FOXP2: variants seen among roughly 807,000 people sequenced by gnomAD.
FOXP2 encodes the protein forkhead box P2, also known as forkhead box protein P2.
Under a neutral mutation model 115.8 loss-of-function variants are expected in FOXP2, and 12 were observed. The ratio of observed to expected loss-of-function variants is 0.10; its 90% confidence interval spans 0.07 to 0.17. FOXP2 has a LOEUF of 0.17. Ranked by LOEUF, FOXP2 falls within the 10% of genes least tolerant of loss-of-function variation. FOXP2 has a pLI of 1.00. For synonymous variants in FOXP2, 328 were observed against 297.7 expected (o/e 1.10, Z -1.05); for missense variants, 629 against 843.5 (o/e 0.75, Z 3.15).
chr7:114,193,725 A>T (rs2129157991), intron 1 of FOXP2, among the ~76,000 whole-genome samples: 1 of 152,224 alleles, frequency 6.6e-6, no homozygotes, highest in South Asian at 2.1e-4. Flanking sequence ...ACCATTGTTG[A>T]GAACCATTGT....
intron 2 of FOXP2, among the ~76,000 whole-genome samples, chr7:114,390,744 G>A (rs1792577134): frequency 1.3e-5 from 2 of 151,758 alleles, no homozygotes; most frequent in Non-Finnish European, 2.9e-5. Context: ...TTTCTTTAGA[G>A]GCAGGATTTC....
chr7:114,381,604 T>G (rs966238708), intron 2 of FOXP2, among the ~76,000 whole-genome samples: 1 of 152,310 alleles, frequency 6.6e-6, no homozygotes, highest in Non-Finnish European at 1.5e-5. Context: ...GGTCCAGGAC[T>G]GTAAACCACT....
chr7:114,653,604 T>C (rs777824689), intron 9 of FOXP2: 6 of 370,058 alleles, frequency 1.6e-5, no homozygotes, highest in Non-Finnish European at 2.1e-5. Context: ...CCACAGGACT[T>C]TAAAGAGACA....
At chr7:114,130,965 G>GAATTT (rs1791858100) in intron 1 of FOXP2, among the ~76,000 whole-genome samples, 1 of 152,166 alleles carries the variant, frequency 6.6e-6, no homozygotes, top group Admixed American at 6.5e-5. Context: ...AATTAAACTG[G>GAATTT]AAGTGTTTGT....
At chr7:114,567,068 T>C (rs1801062077) in intron 3 of FOXP2, among the ~76,000 whole-genome samples, 1 of 152,122 alleles carries the variant, frequency 6.6e-6, no homozygotes, top group South Asian at 2.1e-4. Flanking sequence ...GAGTCTTTAG[T>C]ATGTATCATG....
At chr7:114,353,864 T>C (rs1791554859) in intron 2 of FOXP2, among the ~76,000 whole-genome samples, 2 of 152,120 alleles carry the variant, frequency 1.3e-5, no homozygotes, top group Non-Finnish European at 2.9e-5. Context: ...GTATAACCCA[T>C]CTCATACAAT....
chr7:114,314,531 A>G (rs1229551108), intron 2 of FOXP2, among the ~76,000 whole-genome samples: 1 of 152,164 alleles, frequency 6.6e-6, no homozygotes, highest in Non-Finnish European at 1.5e-5. Context: ...AGCCTATGAT[A>G]TTGTATTAAT....
At chr7:114,500,243 A>T (rs980569756) in intron 2 of FOXP2, among the ~76,000 whole-genome samples, 14 of 151,282 alleles carry the variant, frequency 9.3e-5, no homozygotes, top group Admixed American at 6.6e-4. Flanking sequence ...AAAGAATGTA[A>T]CGTCAATAAA....
chr7:114,229,919 A>T (rs1372048371), intron 1 of FOXP2, among the ~76,000 whole-genome samples: 1 of 151,848 alleles, frequency 6.6e-6, no homozygotes, highest in Non-Finnish European at 1.5e-5. Flanking sequence ...TAGAGACCCT[A>T]GAAAAGCAAT....
chr7:114,617,007 G>A (rs926538227), intron 3 of FOXP2, among the ~76,000 whole-genome samples: 2 of 152,158 alleles, frequency 1.3e-5, no homozygotes, highest in African/African-American at 4.8e-5. Flanking sequence ...GATCTCCTGA[G>A]CCCAAAAGTG....
chr7:114,311,988 A>C (rs1174229413), intron 2 of FOXP2, among the ~76,000 whole-genome samples: 1 of 152,004 alleles, frequency 6.6e-6, no homozygotes, highest in African/African-American at 2.4e-5. Context: ...CTTACCAGCC[A>C]AGCTGGGTGG....
intron 1 of FOXP2, among the ~76,000 whole-genome samples, chr7:114,275,448 G>T (rs1197910787): frequency 1.3e-5 from 2 of 152,138 alleles, no homozygotes; most frequent in Non-Finnish European, 1.5e-5. Flanking sequence ...TTACCAATAA[G>T]TTGTGTCCTG....
At chr7:114,548,947 C>G (rs1193280883) in intron 3 of FOXP2, among the ~76,000 whole-genome samples, 1 of 152,146 alleles carries the variant, frequency 6.6e-6, no homozygotes, top group African/African-American at 2.4e-5. Flanking sequence ...TTAGCTATTA[C>G]ATATTAGATT....
intron 2 of FOXP2, among the ~76,000 whole-genome samples, chr7:114,291,933 AG>A (rs1339448600): frequency 7.0e-6 from 1 of 142,766 alleles, no homozygotes; most frequent in African/African-American, 2.6e-5. Context: ...GATAATATAT[AG>A]AATATATATT....
intron 1 of FOXP2, among the ~76,000 whole-genome samples, chr7:114,248,247 T>TA (rs1385679391): frequency 6.6e-6 from 1 of 152,018 alleles, no homozygotes; most frequent in Admixed American, 6.6e-5. Context: ...CTTGTTCAGC[T>TA]ATTTATTCTA....
intron 2 of FOXP2, among the ~76,000 whole-genome samples, chr7:114,457,562 A>T (rs1159851558): frequency 2.0e-5 from 3 of 152,202 alleles, no homozygotes; most frequent in African/African-American, 7.2e-5. Context: ...CTTAGCTCAT[A>T]GCCTTGTTTT....
chr7:114,402,557 T>C (rs1335859523), intron 2 of FOXP2, among the ~76,000 whole-genome samples: 1 of 151,914 alleles, frequency 6.6e-6, no homozygotes, highest in Non-Finnish European at 1.5e-5. Context: ...TGTGCTGGTG[T>C]AAACAAGCTG....
chr7:114,210,835 C>T lies in FOXP2; in HGVS notation c.-102+47747C>T, dbSNP rs548334670. 6.6e-5 allele frequency among the ~76,000 whole-genome samples: 10 copies of T among 152,210 alleles called. No homozygotes were observed. In the South Asian group the frequency reaches 1.9e-3, roughly 28 times the overall value. The stretch of plus-strand genomic sequence containing the variant: ...GGAGGGATAAGCTCTATCTGTAGGA[C>T]CCTTCTGGAGTGGCTGCAGCAGCGA... On this transcript the variant is annotated intron_variant, in intron 1 of 17. Transcript: ENST00000634411.
At chr7:114,302,405 T>C (rs1796900411) in intron 2 of FOXP2, among the ~76,000 whole-genome samples, 1 of 152,080 alleles carries the variant, frequency 6.6e-6, no homozygotes, top group African/African-American at 2.4e-5. Flanking sequence ...GCTTCATACT[T>C]CTCAGTTTGA....
Sources: allele counts gnomAD v4.1 joint callset (sites outside exome capture counted in the v4.1 genomes callset), GRCh38; gene constraint gnomAD v4.1.1; transcripts MANE v1.5; gene names NCBI Gene and HGNC (gene_info 2026-07-23, HGNC 2026-07-21).